The following MACF1 variants were observed in gnomAD, a reference collection of about 807,000 sequenced individuals.
The protein encoded by MACF1 is microtubule-actin cross-linking factor 1.
In MACF1, 193 loss-of-function variants were observed where a neutral mutation model predicts 854.8. That is an observed-to-expected ratio of 0.23 (90% CI 0.20 to 0.25). The LOEUF is 0.25. Ranked by LOEUF, MACF1 falls within the 10% of genes least tolerant of loss-of-function variation. MACF1 has a pLI of 1.00. For synonymous variants in MACF1, 3,185 were observed against 3,226.7 expected, an observed-to-expected ratio of 0.99 and a Z score of 0.44; for missense variants, 7,722 against 8,929.1, an observed-to-expected ratio of 0.86 and a Z score of 5.45.
At chr1:39,321,179 C>CAATGT (rs762464374) in intron 31 of MACF1, among the ~76,000 whole-genome samples, 1 of 152,162 alleles carries the variant, frequency 6.6e-6, no homozygotes, top group Non-Finnish European at 1.5e-5. Flanking sequence ...ACAGAACACT[C>CAATGT]ACTGTAAGAA....
At chr1:39,121,366 AAGGGG>A (rs1389643435) in intron 2 of MACF1, among the ~76,000 whole-genome samples, 1 of 152,214 alleles carries the variant, frequency 6.6e-6, no homozygotes, top group Non-Finnish European at 1.5e-5. Flanking sequence ...TCTCTATGAA[AAGGGG>A]TGGGGGAAGC....
intron 37 of MACF1, among the ~76,000 whole-genome samples, chr1:39,336,933 A>G (rs1646821136): frequency 6.6e-6 from 1 of 152,222 alleles, no homozygotes; most frequent in Admixed American, 6.5e-5. Flanking sequence ...CTGAAATCAG[A>G]ATAGCTTTTG....
chr1:39,163,780 A>T (rs1643852607), intron 2 of MACF1, among the ~76,000 whole-genome samples: 1 of 152,150 alleles, frequency 6.6e-6, no homozygotes, highest in Non-Finnish European at 1.5e-5. Flanking sequence ...CAGAGAGTGA[A>T]TTCTTTTTTT....
At chr1:39,208,568 C>T (rs2148272625) in intron 1 of MACF1, among the ~76,000 whole-genome samples, 1 of 152,268 alleles carries the variant, frequency 6.6e-6, no homozygotes, top group South Asian at 2.1e-4. Context: ...ATTCTCATGA[C>T]TCAACCTCCC....
In MACF1 at chr1:39,340,463, A is replaced by C. The variant is rs776663707; in HGVS notation, c.10216-39A>C. Reference sequence around the variant, plus strand: ...CACAGCTGATTCCCAGAGGGTTTCTAGTCTTGCTTTTATAGGTAACTCCAC... The same window carrying C: ...CACAGCTGATTCCCAGAGGGTTTCTCGTCTTGCTTTTATAGGTAACTCCAC... On this transcript the variant is annotated intron_variant, in intron 38 of 100. Transcript: ENST00000564288. 2.8e-6 allele frequency: 4 copies of C among 1,448,976 alleles called. No individual in the cohort carries two copies. The South Asian group carries it at 4.6e-5, about 17-fold the overall frequency. 89.8% of individuals were successfully genotyped at this position (1,448,976 alleles called of 1,614,324 possible).
At position 39,451,091 on chromosome 1, in the gene MACF1, G is replaced by C; in HGVS notation, c.20298G>C (p.Gln6766His). 1.2e-6 allele frequency: 2 copies of C among 1,614,220 alleles called. No homozygotes were observed. The highest frequency in any genetic ancestry group is 1.7e-6 in the Non-Finnish European group (2 of 1,180,036). ...KLEEALLFSG[Q>H]FMDALQALVD... is the part of the protein sequence containing the mutation. ...AGGAAGCCCTGCTCTTTTCGGGTCA[G>C]TTCATGGATGCTTTGCAGGCATTGG... Residue 6766 changes from glutamine to histidine, a missense_variant, in exon 85 of 101, where the codon CAG becomes CAC. Gln to His is a conservative substitution (Grantham distance 24). Transcript: ENST00000564288.
At chr1:39,195,398 T>C (rs1400420474) in intron 2 of MACF1, among the ~76,000 whole-genome samples, 1 of 152,240 alleles carries the variant, frequency 6.6e-6, no homozygotes, top group Non-Finnish European at 1.5e-5. Context: ...ATTAATTTGC[T>C]CATTCCACAA....
Position 39,381,378 on chromosome 1 carries a change from T to TGGG in MACF1, c.13649-567_13649-565dup, listed in dbSNP as rs1263653376. Among the ~76,000 whole-genome samples the TGGG allele has an allele frequency of 3.4e-4, 35 of 102,046 alleles. 1 individual carries two copies. Among genetic ancestry groups the TGGG allele is most frequent in the Non-Finnish European group, 5.3e-4 (25 of 47,300 alleles). The allele number at this position is 102,046 out of a possible 152,430, so 66.9% of individuals were successfully genotyped here. A position where few individuals can be genotyped will look rare whatever the true frequency, so the allele number is the denominator to read the frequency against. On this transcript the variant is annotated intron_variant, in intron 55 of 100. Coordinates refer to ENST00000564288, the MANE Select transcript of MACF1 (RefSeq NM_001394062.1). The stretch of plus-strand genomic sequence containing the variant: ...GGCCTTTTTTTTTTTTTTTTTTTTT[T>TGGG]GGGGGGGGGGACAGGGTCTTGCTCT...
chr1:39,254,208 G>T, intron 4 of MACF1, 90 bp from the exon 5 acceptor site: 2 of 1,060,256 alleles, frequency 1.9e-6, no homozygotes, highest in East Asian at 2.5e-5. Flanking sequence ...ATTCTTGTGT[G>T]GTCCTTTAGT....
intron 97 of MACF1, among the ~76,000 whole-genome samples, chr1:39,473,208 C>A (rs1436898653): frequency 6.6e-6 from 1 of 152,178 alleles, no homozygotes; most frequent in Admixed American, 6.5e-5. Context: ...AAGTGAGACA[C>A]CCTTTGGGCC....
In MACF1 at chr1:39,316,438, T is replaced by C; in HGVS notation, c.3497T>C (p.Leu1166Pro). 6.2e-7 allele frequency: 1 copy of C among 1,614,036 alleles called. No individual in the cohort carries two copies. The highest frequency in any genetic ancestry group is 1.7e-5 in the Admixed American group (1 of 60,016). ...GTACGTAGCATACAGGATGCTGAAC[T>C]CTTGGTCAAAGGTTATGAGATTAAG... ...VIVRSIQDAE[L>P]LVKGYEIKLS... Residue 1166 changes from leucine (L) to proline (P), a missense_variant, in exon 28 of 101, where the codon CTC becomes CCC. Coordinates refer to ENST00000564288, the MANE Select transcript of MACF1 (RefSeq NM_001394062.1).
intron 2 of MACF1, among the ~76,000 whole-genome samples, chr1:39,133,086 G>A (rs1024369975): frequency 2.0e-5 from 3 of 152,192 alleles, no homozygotes; most frequent in African/African-American, 7.2e-5. Context: ...CACCACCCTT[G>A]GAATGGAACC....
chr1:39,479,219 T>G (rs1158673354), intron 97 of MACF1, among the ~76,000 whole-genome samples: 1 of 152,236 alleles, frequency 6.6e-6, no homozygotes, highest in Non-Finnish European at 1.5e-5. Context: ...GTGCATGGTC[T>G]TGATCTCTTT....
chr1:39,412,732 G>A, intron 58 of MACF1: 1 of 1,613,818 alleles, frequency 6.2e-7, no homozygotes, highest in Non-Finnish European at 8.5e-7. Context: ...TACTGAACCA[G>A]TTTTAGAGGA....
chr1:39,144,735 CT>C (rs1211347070), intron 2 of MACF1, among the ~76,000 whole-genome samples: 2 of 151,466 alleles, frequency 1.3e-5, no homozygotes, highest in Admixed American at 1.3e-4. Flanking sequence ...AAATGATCCT[CT>C]CTCCTTGGCC....
intron 2 of MACF1, among the ~76,000 whole-genome samples, chr1:39,244,015 C>T (rs1644953302): frequency 6.6e-6 from 1 of 151,814 alleles, no homozygotes; most frequent in Admixed American, 6.6e-5. Context: ...TGACAGTTTT[C>T]CAGGCAAGGA....
rs1650623611 is a variant in MACF1 at position 39,385,508 on chromosome 1, A to G, written c.13923A>G (p.Thr4641=). 3 of 1,614,094 alleles carry G rather than the reference A, an allele frequency of 1.9e-6. No homozygotes were observed. Among genetic ancestry groups the G allele is most frequent in the East Asian group, 2.2e-5 (1 of 44,902 alleles). ...QLNEAAQGIL[T]GPGDVSLSTS... ...ATGAGGCAGCTCAGGGCATCCTAAC[A>G]GGCCCTGGAGATGTCTCTCTGTCCA... Residue 4641 remains threonine (T), a synonymous_variant, in exon 57 of 101, where the codon ACA becomes ACG. Coordinates refer to ENST00000564288, the MANE Select transcript of MACF1 (RefSeq NM_001394062.1).
chr1:39,333,452 A>G lies in MACF1; in HGVS notation c.6864A>G (p.Leu2288=). Residue 2288 remains leucine (L), a synonymous_variant, in exon 37 of 101, where the codon TTA becomes TTG. Coordinates refer to ENST00000564288, the MANE Select transcript of MACF1 (RefSeq NM_001394062.1). The part of the protein sequence containing the change: ...ELLEEATLNV[L]SAQLLDGGIF... ...TTGAAGAAGCTACCTTAAATGTATT[A>G]TCTGCACAGTTACTAGATGGTGGTA... 1 of 1,614,182 alleles carries G rather than the reference A, an allele frequency of 6.2e-7. No individual in the cohort carries two copies. Among genetic ancestry groups the G allele is most frequent in the Non-Finnish European group, 8.5e-7 (1 of 1,180,024 alleles).
At chr1:39,458,873 T>G (rs570530898) in intron 90 of MACF1, 5 of 539,988 alleles carry the variant, frequency 9.3e-6, no homozygotes, top group Admixed American at 3.7e-5. Context: ...CAGAATTGCT[T>G]GGAGATATGT....
Sources: allele counts gnomAD v4.1 joint callset (sites outside exome capture counted in the v4.1 genomes callset), GRCh38; gene constraint gnomAD v4.1.1; transcripts MANE v1.5; gene names NCBI Gene and HGNC (gene_info 2026-07-23, HGNC 2026-07-21).